The following FAM135B variants were observed in gnomAD, a reference collection of about 807,000 sequenced individuals.
FAM135B encodes protein FAM135B.
Under a neutral mutation model 127.7 loss-of-function variants are expected in FAM135B, and 43 were observed. That is an observed-to-expected ratio of 0.34 (90% CI 0.26 to 0.43). The LOEUF (loss-of-function observed/expected upper bound fraction) is 0.43. FAM135B is among the 20% of genes least tolerant of loss of function. The pLI is 1.00. For missense variants in FAM135B, 1,558 were observed against 1,725.6 expected, an observed-to-expected ratio of 0.90 and a Z score of 1.72; for synonymous variants, 670 against 665.1, an observed-to-expected ratio of 1.01 and a Z score of -0.11.
intron 1 of FAM135B, among the ~76,000 whole-genome samples, chr8:138,462,545 C>A (rs1837186115): frequency 6.6e-6 from 1 of 152,106 alleles, no homozygotes; most frequent in African/African-American, 2.4e-5. Context: ...TAGAATGCTA[C>A]CTGGAGTCAC....
At chr8:138,260,035 A>G (rs1822423448) in intron 4 of FAM135B, among the ~76,000 whole-genome samples, 1 of 152,204 alleles carries the variant, frequency 6.6e-6, no homozygotes, top group Non-Finnish European at 1.5e-5. Flanking sequence ...ACAAAGGAAC[A>G]TGGGAAGTTT....
At chr8:138,384,345 C>CATTTATTTATTTATTT (rs10608773) in intron 1 of FAM135B, among the ~76,000 whole-genome samples, 1 of 150,810 alleles carries the variant, frequency 6.6e-6, no homozygotes, top group Non-Finnish European at 1.5e-5. Context: ...CCATAGGCTC[C>CATTTATTTATTTATTT]ATTTATTTAT....
At chr8:138,288,534 C>T (rs1345109912) in intron 3 of FAM135B, among the ~76,000 whole-genome samples, 1 of 151,910 alleles carries the variant, frequency 6.6e-6, no homozygotes, top group Non-Finnish European at 1.5e-5. Flanking sequence ...AATGATCATG[C>T]CAAGGAGAAA....
chr8:138,206,980 C>A (rs6577888), intron 7 of FAM135B, among the ~76,000 whole-genome samples: 109,024 of 151,690 alleles, frequency 0.72, 39,377 homozygotes, highest in East Asian at 0.82. Context: ...ATCCTCTCCA[C>A]CTATGCATGG....
intron 1 of FAM135B, among the ~76,000 whole-genome samples, chr8:138,494,304 C>T (rs540781658): frequency 6.6e-6 from 1 of 152,344 alleles, no homozygotes; most frequent in East Asian, 1.9e-4. Flanking sequence ...ACTCATTCAA[C>T]AACCATTCAT....
chr8:138,188,196 A>T (rs927693400), intron 9 of FAM135B, among the ~76,000 whole-genome samples: 29 of 152,184 alleles, frequency 1.9e-4, no homozygotes, highest in African/African-American at 6.8e-4. Flanking sequence ...ATTCTTTATC[A>T]TAGAACAGGT....
Position 138,367,997 on chromosome 8 carries a change from C to T in FAM135B, c.-14G>A, listed in dbSNP as rs750105266. 3.7e-6 allele frequency: 6 copies of T among 1,610,420 alleles called. No homozygotes were observed. The highest frequency in any genetic ancestry group is 2.7e-5 in the African/African-American group (2 of 74,934). ...TATTTCAGACATGATCTTTTTGGCT[C>T]ATTACCTGAAAAACAAGAGAGAAAT... On this transcript the variant is annotated 5_prime_UTR_variant, in exon 2 of 20. The change abolishes an upstream ATG in the 5' untranslated region. Transcript: ENST00000395297.
At chr8:138,316,233 G>A (rs900176448) in intron 2 of FAM135B, among the ~76,000 whole-genome samples, 1 of 152,196 alleles carries the variant, frequency 6.6e-6, no homozygotes, top group Non-Finnish European at 1.5e-5. Flanking sequence ...GAGGCCGGGC[G>A]CGGTGGCTCA....
chr8:138,343,361 ACT>A (rs1352288366), intron 2 of FAM135B, among the ~76,000 whole-genome samples: 1 of 152,108 alleles, frequency 6.6e-6, no homozygotes, highest in African/African-American at 2.4e-5. Flanking sequence ...AGGCAAAGAC[ACT>A]CTGATCTCAG....
At chr8:138,206,211 C>A (rs76659560) in intron 7 of FAM135B, among the ~76,000 whole-genome samples, 51 of 32,584 alleles carry the variant, frequency 1.6e-3, no homozygotes, top group African/African-American at 2.2e-3. Context: ...CCACAGCTCT[C>A]TCATCCCCTC....
At chr8:138,447,664 A>T (rs10094448) in intron 1 of FAM135B, among the ~76,000 whole-genome samples, 22 of 142,822 alleles carry the variant, frequency 1.5e-4, no homozygotes, top group East Asian at 6.8e-4. Context: ...TGGGGTGGGG[A>T]TTGGGGGATG....
chr8:138,136,993 C>T (rs1816716255), intron 19 of FAM135B, among the ~76,000 whole-genome samples, 154 bp downstream of exon 19: 1 of 152,170 alleles, frequency 6.6e-6, no homozygotes, highest in Non-Finnish European at 1.5e-5. Context: ...GGCACAGTAA[C>T]ATCGAGATGA....
intron 3 of FAM135B, among the ~76,000 whole-genome samples, chr8:138,279,233 G>A (rs1037035893): frequency 1.3e-5 from 2 of 152,100 alleles, no homozygotes; most frequent in Non-Finnish European, 2.9e-5. Context: ...ACAGCATTTT[G>A]CACCAGCTCT....
chr8:138,280,005 A>T (rs1307686603), intron 3 of FAM135B, among the ~76,000 whole-genome samples: 2 of 152,160 alleles, frequency 1.3e-5, no homozygotes, highest in African/African-American at 4.8e-5. Context: ...GGGGACTGGG[A>T]GCTAAAAGAA....
In FAM135B at chr8:138,469,575, C is replaced by T. The variant is rs189399951; in HGVS notation, c.-20+27096G>A. ...TCACCTATTACAACTGGACAATGGG[C>T]TTATACTGATACCAAGAGATGGTTA... On this transcript the variant is annotated intron_variant, in intron 1 of 19. Coordinates refer to ENST00000395297, the MANE Select transcript of FAM135B (RefSeq NM_015912.4). Among the ~76,000 whole-genome samples, 769 of 152,242 alleles carry T rather than the reference C, an allele frequency of 5.1e-3. 4 individuals are homozygous for T. The highest frequency in any genetic ancestry group is 8.4e-3 in the Non-Finnish European group (573 of 68,016).
At chr8:138,433,723 T>C (rs112531722) in intron 1 of FAM135B, among the ~76,000 whole-genome samples, 229 of 152,292 alleles carry the variant, frequency 1.5e-3, no homozygotes, top group East Asian at 4.6e-3. Flanking sequence ...ATGACTTGTT[T>C]TCTTAGCCAC....
At chr8:138,292,835 C>T (rs758898103) in intron 3 of FAM135B, among the ~76,000 whole-genome samples, 1 of 151,942 alleles carries the variant, frequency 6.6e-6, no homozygotes, top group African/African-American at 2.4e-5. Flanking sequence ...CTGCCCAGAG[C>T]AATCTACAGA....
At chr8:138,478,125 C>A (rs1814599955) in intron 1 of FAM135B, among the ~76,000 whole-genome samples, 1 of 152,074 alleles carries the variant, frequency 6.6e-6, no homozygotes, top group Non-Finnish European at 1.5e-5. Context: ...ATAATTTCTT[C>A]CCCCAAAACA....
intron 1 of FAM135B, among the ~76,000 whole-genome samples, chr8:138,466,867 T>G (rs1837408728): frequency 6.6e-6 from 1 of 152,192 alleles, no homozygotes. Context: ...TGCAGCAAAT[T>G]TATACAAACT....
Sources: allele counts gnomAD v4.1 joint callset (sites outside exome capture counted in the v4.1 genomes callset), GRCh38; gene constraint gnomAD v4.1.1; transcripts MANE v1.5; gene names NCBI Gene and HGNC (gene_info 2026-07-23, HGNC 2026-07-21).